The following MYH1 variants were observed in gnomAD, a reference collection of about 807,000 sequenced individuals.
MYH1 encodes the protein myosin heavy chain 1, also known as myosin-1.
MYH1 carries 214 observed loss-of-function variants against 225.6 expected under a neutral mutation model. The ratio of observed to expected loss-of-function variants is 0.95; its 90% CI spans 0.85 to 1.06. The LOEUF is 1.06. Among genes scored for constraint, MYH1 ranks in the 50% least tolerant of loss-of-function variants. The pLI is 0.00. For missense variants in MYH1, 2,098 were observed against 2,344.2 expected, an observed-to-expected ratio of 0.89 and a Z score of 2.17; for synonymous variants, 774 against 842.3, an observed-to-expected ratio of 0.92 and a Z score of 1.40.
Position 10,496,036 on chromosome 17 carries a change from T to G in MYH1, c.5083A>C (p.Thr1695Pro), listed in dbSNP as rs776875695. The G allele has an allele frequency of 1.7e-5, 28 of 1,613,926 alleles. No individual in the cohort carries two copies. Among genetic ancestry groups the G allele is most frequent in the Admixed American group, 6.7e-5 (4 of 59,988 alleles). ...LQAEIEELRA[T>P]LEQTERSRKI... ...CTGCTCCTCTCTGTCTGTTCCAGAG[T>G]GGCCCGCAGCTCCTCGATCTCAGCC... is the stretch of plus-strand genomic sequence containing the variant. Residue 1695 changes from threonine (T) to proline (P), a missense_variant, in exon 35 of 40, where the codon ACT becomes CCT. Transcript: ENST00000226207.
In MYH1 at chr17:10,518,238, A is replaced by G. The variant is rs2073248958; in HGVS notation, c.-41+2T>C. 1 of 152,174 alleles carries G rather than the reference A, an allele frequency of 6.6e-6. No individual in the cohort carries two copies. The highest frequency in any genetic ancestry group is 1.5e-5 in the Non-Finnish European group (1 of 68,040). The allele number at this position is 152,174 out of a possible 1,614,324, so 9.4% of individuals were successfully genotyped here. On this transcript the variant is annotated splice_donor_variant, in intron 2 of 39. Transcript: ENST00000226207. LOFTEE classifies it low-confidence loss of function (5UTR_SPLICE). ...TGAGAAAAAAAAAAATCAGAATCTTACCGTAGAGATGCGACCTTAAAGTGG... is the reference window on the plus strand; with the variant it reads ...TGAGAAAAAAAAAAATCAGAATCTTGCCGTAGAGATGCGACCTTAAAGTGG...
rs1402011145 is a variant in MYH1 at position 10,511,829 on chromosome 17, G to T, written c.1416+10C>A. 6.2e-7 allele frequency: 1 copy of T among 1,613,878 alleles called. No individual in the cohort carries two copies. Among genetic ancestry groups the T allele is most frequent in the South Asian group, 1.1e-5 (1 of 91,078 alleles). On this transcript the variant is annotated intron_variant, in intron 14 of 39. Transcript: ENST00000226207. ...GAAACTTTTTTGGTACAATTTTTCT[G>T]CTAACTCACATCAAAGATCTCAAAG...
At position 10,497,874 on chromosome 17, in the gene MYH1, C is replaced by G. The variant is rs752892297; in HGVS notation, c.4225G>C (p.Glu1409Gln). ...QRLQDAEEHV[E>Q]AVNAKCASLE... ...GAAGCACATTTGGCATTCACAGCTT[C>G]TACATGTTCCTCAGCATCCTGCAGA... The change falls in exon 31 of 40, where the codon GAA (glutamate) becomes CAA (glutamine). Residue 1409 changes from glutamate to glutamine, a missense_variant. By Grantham distance (29) the Glu-to-Gln change is conservative. Coordinates refer to ENST00000226207, the MANE Select transcript of MYH1 (RefSeq NM_005963.4). The G allele has an allele frequency of 2.5e-6, 4 of 1,612,126 alleles. No homozygotes were observed. The South Asian group carries it at 3.3e-5, about 13-fold the overall frequency.
Position 10,504,798 on chromosome 17 carries a change from C to T in MYH1, c.2691+12G>A, listed in dbSNP as rs1237681064. 5.0e-6 allele frequency: 8 copies of T among 1,612,970 alleles called. No homozygotes were observed. In the African/African-American group the frequency reaches 5.4e-5, roughly 11 times the overall value. On this transcript the variant is annotated intron_variant, in intron 22 of 39. Transcript: ENST00000226207. ...AGCATCAGATTGCAGGAAATGACTT[C>T]GGGATACTCACAGCTTGAACCTGGA...
intron 6 of MYH1, among the ~76,000 whole-genome samples, chr17:10,514,622 C>T (rs1293366031): frequency 1.3e-5 from 2 of 152,184 alleles, no homozygotes; most frequent in Non-Finnish European, 2.9e-5. Context: ...CAGCCCAGCT[C>T]ATTTTACACT....
chr17:10,507,801 C>G (rs2073127877), intron 17 of MYH1, 85 bp downstream of exon 17: 4 of 1,125,578 alleles, frequency 3.6e-6, no homozygotes, highest in Non-Finnish European at 5.4e-6. Context: ...GTTCTAGAAT[C>G]CTTGCAAGGT....
intron 31 of MYH1, 72 bp from the exon 32 acceptor site, chr17:10,497,524 C>A: frequency 5.8e-6 from 9 of 1,540,990 alleles, no homozygotes; most frequent in Non-Finnish European, 6.9e-6. Context: ...TATTCTAGCA[C>A]CTCTCAGAGT....
At chr17:10,505,565 T>C (rs1567719332) in intron 19 of MYH1, 54 bp from the exon 20 acceptor site, 3 of 1,596,556 alleles carry the variant, frequency 1.9e-6, no homozygotes, top group Non-Finnish European at 1.7e-6. Context: ...CAAGAAATCT[T>C]CCTGTCTGGC....
At chr17:10,497,600 C>T (rs562106419) in intron 31 of MYH1, 134 bp downstream of exon 31, 16 of 1,492,696 alleles carry the variant, frequency 1.1e-5, no homozygotes, top group Non-Finnish European at 1.4e-5. Flanking sequence ...AGCACTTCCC[C>T]TCTCCACAGA....
In MYH1 at chr17:10,513,616, T is replaced by A; in HGVS notation, c.805+10A>T. ...TTCTTGGATTCTATTTAGGAGGTCC[T>A]GTTACTCACATGTTTCAATATCAGC... On this transcript the variant is annotated intron_variant, in intron 9 of 39. Transcript: ENST00000226207. 1 of 1,613,034 alleles carries A rather than the reference T, an allele frequency of 6.2e-7. No individual in the cohort carries two copies. The highest frequency in any genetic ancestry group is 8.5e-7 in the Non-Finnish European group (1 of 1,178,986).
chr17:10,510,788 G>A (rs1476430557), intron 14 of MYH1, among the ~76,000 whole-genome samples: 1 of 60,088 alleles, frequency 1.7e-5, no homozygotes, highest in Non-Finnish European at 6.7e-5. Flanking sequence ...TGTGGCCTAG[G>A]GGGAGGACAA....
Position 10,495,174 on chromosome 17 carries a change from G to A in MYH1, c.5295+18C>T, listed in dbSNP as rs367861050. ...TTAAGATTTAAGTTTGACCACCACT[G>A]TGTTACCCTTCACTCACATCAGTGA... On this transcript the variant is annotated intron_variant, in intron 36 of 39. Transcript: ENST00000226207. 6.8e-6 allele frequency: 11 copies of A among 1,614,062 alleles called. No homozygotes were observed. In the African/African-American group the frequency reaches 1.5e-4, roughly 22 times the overall value.
chr17:10,495,973 G>C lies in MYH1; in HGVS notation c.5146C>G (p.Arg1716Gly). The change falls in exon 35 of 40, where the codon CGT becomes GGT. Residue 1716 changes from arginine to glycine, a missense_variant. By Grantham distance (125) the Arg-to-Gly change is moderately radical (BLOSUM62 -2). Transcript: ENST00000226207. ...AEQELLDASE[R>G]VQLLHTQNTS... is the part of the protein sequence containing the mutation. Reference sequence around the variant, plus strand: ...ACCTGGGTGTGCAGGAGCTGAACACGCTCACTGGCATCCAGGAGCTCCTGT... The same window carrying C: ...ACCTGGGTGTGCAGGAGCTGAACACCCTCACTGGCATCCAGGAGCTCCTGT... 6.2e-7 allele frequency: 1 copy of C among 1,613,942 alleles called. No homozygotes were observed. Among genetic ancestry groups the C allele is most frequent in the Non-Finnish European group, 8.5e-7 (1 of 1,179,998 alleles).
At chr17:10,496,967 G>C in intron 33 of MYH1, 102 bp downstream of exon 33, 1 of 1,471,130 alleles carries the variant, frequency 6.8e-7, no homozygotes. Context: ...CTAGTTCATG[G>C]AGCAAAAATT....
rs3050883 is a variant in MYH1, at chr17:10,495,760, C to CA, written c.5169+189dup. 7.7e-3 allele frequency among the ~76,000 whole-genome samples: 326 copies of CA among 42,160 alleles called. 58 individuals carry two copies. The East Asian group carries it at 0.18, about 23-fold the overall frequency. 27.7% of individuals were successfully genotyped at this position (42,160 alleles called of 152,430 possible). A position where few individuals can be genotyped will look rare whatever the true frequency, so the allele number is the denominator to read the frequency against. On this transcript the variant is annotated intron_variant, in intron 35 of 39. Coordinates refer to ENST00000226207, the MANE Select transcript of MYH1 (RefSeq NM_005963.4). Reference sequence around the variant, plus strand: ...TGAGCGACAGAGCGAGACTCCGTCTCAAAAAAAAAAAAAAAATCAACTATG... The same window carrying CA: ...TGAGCGACAGAGCGAGACTCCGTCTCAAAAAAAAAAAAAAAAATCAACTATG...
At chr17:10,514,540 A>G (rs2073206245) in intron 6 of MYH1, among the ~76,000 whole-genome samples, 3 of 152,180 alleles carry the variant, frequency 2.0e-5, no homozygotes, top group African/African-American at 7.2e-5. Flanking sequence ...TTAAAAATGA[A>G]CCACTAGTAG....
rs759467878 is a variant in MYH1, at chr17:10,501,394, C to T, written c.3454G>A (p.Glu1152Lys). The change falls in exon 27 of 40, where the codon GAG becomes AAG. Residue 1152 changes from glutamate to lysine, a missense_variant. Glu to Lys is a moderately conservative substitution (Grantham distance 56). Coordinates refer to ENST00000226207, the MANE Select transcript of MYH1 (RefSeq NM_005963.4). ...DLSRELEEIS[E>K]RLEEAGGATS... ...GCCCCACCGGCTTCTTCCAGCCTCT[C>T]GCTGATCTCCTCCAGCTCCCGGGAG... The T allele has an allele frequency of 1.3e-5, 21 of 1,614,078 alleles. No homozygotes were observed. Among genetic ancestry groups the T allele is most frequent in the East Asian group, 2.2e-5 (1 of 44,894 alleles).
chr17:10,505,767 A>G (rs1306474138), intron 19 of MYH1, 45 bp downstream of exon 19: 1 of 1,608,282 alleles, frequency 6.2e-7, no homozygotes, highest in Admixed American at 1.7e-5. Flanking sequence ...ATGTTTAAAA[A>G]GTAATAAAAA....
chr17:10,495,630 G>A (rs1046570394), intron 35 of MYH1, among the ~76,000 whole-genome samples: 1 of 151,458 alleles, frequency 6.6e-6, no homozygotes, highest in Non-Finnish European at 1.5e-5. Flanking sequence ...GCGTGGTGGC[G>A]GGCGCCTGTA....
Sources: gnomAD v4.1 joint callset for allele counts (sites outside exome capture counted in the v4.1 genomes callset) on GRCh38, gnomAD v4.1.1 for gene constraint, MANE v1.5 for transcripts, NCBI Gene and HGNC (gene_info 2026-07-23, HGNC 2026-07-21) for gene names.